Variants in AGO3 observed in about 807,000 individuals in gnomAD.
AGO3 encodes the protein argonaute RISC catalytic component 3.
AGO3 carries 16 observed loss-of-function variants against 105.5 expected under a neutral mutation model. That is an observed-to-expected ratio of 0.15 (90% CI 0.10 to 0.23). The LOEUF (loss-of-function observed/expected upper bound fraction) is 0.23. AGO3 is among the 10% of genes least tolerant of loss of function. The probability of loss-of-function intolerance (pLI) is 1.00; values close to 1 mark genes in which losing one functional copy is unlikely to be tolerated. For synonymous variants in AGO3, 340 were observed against 367.3 expected (o/e 0.93, Z 0.85); for missense variants, 534 against 1,088.0 (o/e 0.49, Z 7.16).
At chr1:36,009,186 T>C in intron 8 of AGO3, 142 bp downstream of exon 8, 1 of 1,143,970 alleles carries the variant, frequency 8.7e-7, no homozygotes, top group South Asian at 1.9e-5. Context: ...AAATTTTCTG[T>C]AATGAAATAA....
intron 17 of AGO3, 143 bp downstream of exon 17, chr1:36,043,691 A>T: frequency 1.4e-6 from 1 of 703,778 alleles, no homozygotes; most frequent in South Asian, 2.1e-5. Flanking sequence ...CTTTCAGTAA[A>T]CAAATGTCTT....
intron 17 of AGO3, 44 bp from the exon 18 acceptor site, chr1:36,054,902 A>G: frequency 6.3e-7 from 1 of 1,583,672 alleles, no homozygotes. Context: ...ACAAAACAAA[A>G]AGAGTTCAAA....
Position 35,967,034 on chromosome 1 carries a change from A to G in AGO3, c.271A>G (p.Ser91Gly). The change falls in exon 3 of 19, where the codon AGT (serine) becomes GGT (glycine). Residue 91 changes from serine (S) to glycine (G), a missense_variant. Physicochemically the swap from Ser to Gly is moderately conservative, Grantham distance 56. Transcript: ENST00000373191. Reference sequence around the variant, plus strand: ...TAGACCAGTTTATGATGGAAAAAGAAGTCTTTACACCGCCAATCCACTTCC... The same window carrying G: ...TAGACCAGTTTATGATGGAAAAAGAGGTCTTTACACCGCCAATCCACTTCC... The part of the protein sequence containing the change: ...DRRPVYDGKR[S>G]LYTANPLPVA... The G allele has an allele frequency of 6.2e-7, 1 of 1,613,876 alleles. No homozygotes were observed.
chr1:36,050,901 A>G lies in AGO3; in HGVS notation c.2275-4045A>G, dbSNP rs187740037. Among the ~76,000 whole-genome samples the G allele has an allele frequency of 1.6e-3, 250 of 152,008 alleles. 1 individual carries two copies. The highest frequency in any genetic ancestry group is 4.2e-3 in the African/African-American group (174 of 41,422). On this transcript the variant is annotated intron_variant, in intron 17 of 18. Coordinates refer to ENST00000373191, the MANE Select transcript of AGO3 (RefSeq NM_024852.4). ...TCTCACTCTGGTGAGATCATGGCTC[A>G]CAGGAACCTTCGCCTCCTGGGCTCA...
rs1181265369 is a variant in AGO3, at chr1:36,010,917, AAGAG to A, written c.1149+1334_1149+1337del. Among the ~76,000 whole-genome samples the A allele has an allele frequency of 9.0e-4, 136 of 150,318 alleles. No individual in the cohort carries two copies. In the South Asian group the frequency reaches 0.013, roughly 14 times the overall value. ...GCGAAACTCTGTCAAAAAAAAAAAA[AAGAG>A]AGAGAGAGAGGGAGGGAGGGAGGGA... On this transcript the variant is annotated intron_variant, in intron 9 of 18. Transcript: ENST00000373191.
At chr1:35,930,954 G>A (rs1646029264), upstream of AGO3, 1 of 310,088 alleles carries the variant, frequency 3.2e-6, no homozygotes, top group Non-Finnish European at 5.9e-6. Flanking sequence ...CATGTGGCCC[G>A]GCTCCCGGAC....
At chr1:36,042,634 A>G (rs1642297053) in intron 16 of AGO3, among the ~76,000 whole-genome samples, 1 of 152,302 alleles carries the variant, frequency 6.6e-6, no homozygotes, top group Non-Finnish European at 1.5e-5. Flanking sequence ...ACCTAGACTT[A>G]CAGTTAATGA....
At chr1:35,993,477 A>T (rs1320982473) in intron 5 of AGO3, among the ~76,000 whole-genome samples, 1 of 152,140 alleles carries the variant, frequency 6.6e-6, no homozygotes, top group African/African-American at 2.4e-5. Context: ...TAATAAGGGA[A>T]TGGTATGAAC....
upstream of AGO3, chr1:35,931,003 G>A (rs1646031342): frequency 2.8e-6 from 1 of 353,314 alleles, no homozygotes. Context: ...CTCCTGCCCC[G>A]ACGTCGCTCC....
intron 11 of AGO3, among the ~76,000 whole-genome samples, chr1:36,025,249 T>G (rs1373531005): frequency 6.6e-6 from 1 of 152,162 alleles, no homozygotes; most frequent in African/African-American, 2.4e-5. Flanking sequence ...TTAATTCTGT[T>G]CATCCCTTTT....
chr1:36,013,230 C>G (rs1640709754), intron 9 of AGO3, among the ~76,000 whole-genome samples: 1 of 152,116 alleles, frequency 6.6e-6, no homozygotes, highest in Non-Finnish European at 1.5e-5. Context: ...TGAGCCACCA[C>G]GCCCAGCCTA....
chr1:35,957,438 T>A (rs917066951), intron 2 of AGO3, among the ~76,000 whole-genome samples: 9 of 152,078 alleles, frequency 5.9e-5, no homozygotes, highest in African/African-American at 1.9e-4. Context: ...TGAAATGCTC[T>A]GTATGAGCTG....
At chr1:35,988,611 C>T (rs748508178) in intron 5 of AGO3, among the ~76,000 whole-genome samples, 36 of 151,842 alleles carry the variant, frequency 2.4e-4, no homozygotes, top group Non-Finnish European at 3.7e-4. Flanking sequence ...GACAAGACTT[C>T]CTTCTTTTAA....
rs1643012317 is a variant in AGO3, at chr1:36,060,184, T to C, written c.*4439T>C. On this transcript the variant is annotated 3_prime_UTR_variant, in exon 19 of 19. Transcript: ENST00000373191. Reference sequence around the variant, plus strand: ...AGGGATTCTCAGCCTTCTAAAGATCTAGACCAGTTTCCAAGCTAGCTTCTC... The same window carrying C: ...AGGGATTCTCAGCCTTCTAAAGATCCAGACCAGTTTCCAAGCTAGCTTCTC... The C allele has an allele frequency of 6.6e-6, 1 of 152,270 alleles. No homozygotes were observed. The highest frequency in any genetic ancestry group is 1.5e-5 in the Non-Finnish European group (1 of 68,070). The allele number at this position is 152,270 out of a possible 1,614,324, so 9.4% of individuals were successfully genotyped here.
chr1:35,933,460 T>C (rs1646090613), intron 1 of AGO3, among the ~76,000 whole-genome samples: 2 of 151,680 alleles, frequency 1.3e-5, no homozygotes, highest in Non-Finnish European at 2.9e-5. Flanking sequence ...CTAGGTAACA[T>C]AGTGAGACCT....
chr1:35,944,689 A>G (rs540161031), intron 1 of AGO3, among the ~76,000 whole-genome samples: 37 of 151,830 alleles, frequency 2.4e-4, no homozygotes, highest in African/African-American at 8.2e-4. Flanking sequence ...TTTTAAATAG[A>G]GACAGGGTTT....
chr1:35,973,745 C>T (rs79186696), intron 5 of AGO3, among the ~76,000 whole-genome samples: 2,521 of 152,184 alleles, frequency 0.017, 24 homozygotes, highest in Middle Eastern at 0.037. Flanking sequence ...ATTTAAAAGC[C>T]CTGATGATTA....
chr1:36,044,388 GTTT>G (rs369973598), intron 17 of AGO3, among the ~76,000 whole-genome samples: 14 of 148,700 alleles, frequency 9.4e-5, no homozygotes, highest in African/African-American at 3.2e-4. Flanking sequence ...TACAGCTTTA[GTTT>G]TTTTTTGTTG....
chr1:36,054,566 G>A (rs1055523979), intron 17 of AGO3, among the ~76,000 whole-genome samples: 2 of 151,978 alleles, frequency 1.3e-5, no homozygotes, highest in African/African-American at 4.8e-5. Context: ...TATGTGACTT[G>A]GTATTAAATA....
Sources: allele counts gnomAD v4.1 joint callset (sites outside exome capture counted in the v4.1 genomes callset), GRCh38; gene constraint gnomAD v4.1.1; transcripts MANE v1.5; gene names NCBI Gene and HGNC (gene_info 2026-07-23, HGNC 2026-07-21).